Variants in AGPAT3 observed in about 807,000 individuals in gnomAD.
AGPAT3 encodes 1-acylglycerol-3-phosphate O-acyltransferase 3.
A neutral mutation model predicts 47.3 loss-of-function variants in AGPAT3; 5 were observed. The observed-to-expected ratio is 0.11, with a 90% CI of 0.06 to 0.22. AGPAT3 has a LOEUF of 0.22. Ranked by LOEUF, AGPAT3 falls within the 10% of genes least tolerant of loss-of-function variation. The pLI, the probability that AGPAT3 is intolerant of heterozygous loss-of-function variation, is 1.00. For synonymous variants in AGPAT3, 212 were observed against 208.3 expected, an observed-to-expected ratio of 1.02 and a Z score of -0.15; for missense variants, 315 against 493.0, an observed-to-expected ratio of 0.64 and a Z score of 3.42.
chr21:43,946,303 AT>A (rs2087886153), intron 2 of AGPAT3, among the ~76,000 whole-genome samples: 1 of 152,248 alleles, frequency 6.6e-6, no homozygotes, highest in Admixed American at 6.5e-5. Flanking sequence ...GCAAAATATA[AT>A]GAAAAGTGCA....
At chr21:43,894,436 C>T (rs996530883) in intron 1 of AGPAT3, among the ~76,000 whole-genome samples, 5 of 151,136 alleles carry the variant, frequency 3.3e-5, no homozygotes, top group Admixed American at 3.3e-4. Context: ...ATATAGTTCA[C>T]CCACTATATG....
intron 2 of AGPAT3, among the ~76,000 whole-genome samples, chr21:43,906,160 G>T (rs1305699905): frequency 6.6e-6 from 1 of 152,158 alleles, no homozygotes. Context: ...GTCTTTTGGG[G>T]CTAGTAGTAG....
rs1418361708 is a variant in AGPAT3 at position 43,930,021 on chromosome 21, A to T, written c.-49+26002A>T. 1.3e-5 allele frequency among the ~76,000 whole-genome samples: 2 copies of T among 152,198 alleles called. No homozygotes were observed. The highest frequency in any genetic ancestry group is 2.9e-5 in the Non-Finnish European group (2 of 68,032). ...GTGCCGGAGAGAGAGGACTTGAGTG[A>T]CTGTCCTCCTGGAACCCAGGGTGCC... On this transcript the variant is annotated intron_variant, in intron 2 of 9. Coordinates refer to ENST00000291572, the MANE Select transcript of AGPAT3 (RefSeq NM_020132.5). The surrounding 1 kb of genome is among the most constrained non-coding windows in gnomAD (Gnocchi z 5.0).
intron 1 of AGPAT3, among the ~76,000 whole-genome samples, chr21:43,886,386 T>C (rs1011284666): frequency 6.6e-6 from 1 of 152,090 alleles, no homozygotes; most frequent in African/African-American, 2.4e-5. Flanking sequence ...CCCGAATAGC[T>C]GGGATTACAG....
intron 1 of AGPAT3, among the ~76,000 whole-genome samples, chr21:43,881,171 C>T (rs961297526): frequency 2.6e-5 from 4 of 152,166 alleles, no homozygotes; most frequent in Non-Finnish European, 4.4e-5. Flanking sequence ...TATTTAATAA[C>T]TGTGTCATAA....
chr21:43,955,363 AC>A lies in AGPAT3; in HGVS notation c.-48-4268del. 1.9e-6 allele frequency: 1 copy of A among 514,206 alleles called. No homozygotes were observed. The highest frequency in any genetic ancestry group is 2.8e-6 in the Non-Finnish European group (1 of 356,788). The allele number at this position is 514,206 out of a possible 1,614,324, so 31.9% of individuals were successfully genotyped here. On this transcript the variant is annotated intron_variant, in intron 2 of 9. Coordinates refer to ENST00000291572, the MANE Select transcript of AGPAT3 (RefSeq NM_020132.5). This position sits in a 1 kb window ranked among gnomAD's most constrained non-coding sequence, Gnocchi z 4.1. ...GTCACAGGCGGCTTAGCTTGTCAAC[AC>A]CCATAACGCTATGCACGGACACTCG...
At chr21:43,884,345 C>G (rs1018770890) in intron 1 of AGPAT3, among the ~76,000 whole-genome samples, 2 of 150,228 alleles carry the variant, frequency 1.3e-5, no homozygotes, top group Admixed American at 6.7e-5. Flanking sequence ...CTAATGAGCT[C>G]ACTGGTTTCC....
At chr21:43,974,165 TTATG>T (rs369847969) in intron 7 of AGPAT3, among the ~76,000 whole-genome samples, 13 of 152,008 alleles carry the variant, frequency 8.6e-5, no homozygotes, top group South Asian at 2.1e-4. Flanking sequence ...TGTGTGTAAA[TTATG>T]TGTGTGTTGT....
intron 2 of AGPAT3, among the ~76,000 whole-genome samples, chr21:43,936,916 G>A (rs1168121633): frequency 6.6e-6 from 1 of 152,234 alleles, no homozygotes; most frequent in African/African-American, 2.4e-5. Flanking sequence ...ATGTGAACAA[G>A]CTTTTTTCCT....
intron 7 of AGPAT3, among the ~76,000 whole-genome samples, chr21:43,974,498 T>C (rs985893912): frequency 1.3e-5 from 2 of 151,440 alleles, no homozygotes; most frequent in Non-Finnish European, 2.9e-5. Flanking sequence ...GGGTTTGGTG[T>C]GTGGGGTATG....
In AGPAT3 at chr21:43,908,854, T is replaced by G. The variant is rs2086564020; in HGVS notation, c.-49+4835T>G. Among the ~76,000 whole-genome samples, 1 of 152,154 alleles carries G rather than the reference T, an allele frequency of 6.6e-6. No individual in the cohort carries two copies. The highest frequency in any genetic ancestry group is 2.1e-4 in the South Asian group (1 of 4,826). On this transcript the variant is annotated intron_variant, in intron 2 of 9. Coordinates refer to ENST00000291572, the MANE Select transcript of AGPAT3 (RefSeq NM_020132.5). This position sits in a 1 kb window ranked among gnomAD's most constrained non-coding sequence, Gnocchi z 4.9. ...TGTGGAGCGAACCCTGTTGTTTGCA[T>G]TTTTTGGATGAGGGTACAGGCTCAG... is the stretch of plus-strand genomic sequence containing the variant.
At chr21:43,926,544 C>T (rs1177511902) in intron 2 of AGPAT3, among the ~76,000 whole-genome samples, 6 of 152,120 alleles carry the variant, frequency 3.9e-5, no homozygotes, top group Admixed American at 3.9e-4. Context: ...GCCCCCAGCC[C>T]CCACGGCGCG....
chr21:43,985,349 A>C lies in AGPAT3; in HGVS notation c.*2957A>C. The C allele has an allele frequency of 2.8e-6, 1 of 353,648 alleles. No individual in the cohort carries two copies. The highest frequency in any genetic ancestry group is 5.6e-6 in the Non-Finnish European group (1 of 177,622). The allele number at this position is 353,648 out of a possible 1,614,324, so 21.9% of individuals were successfully genotyped here. A position where few individuals can be genotyped will look rare whatever the true frequency, so the allele number is the denominator to read the frequency against. On this transcript the variant is annotated 3_prime_UTR_variant, in exon 10 of 10. Coordinates refer to ENST00000291572, the MANE Select transcript of AGPAT3 (RefSeq NM_020132.5). ...CTGGTGGAAGAGATGAGCGCTGAAC[A>C]AATCACTAAATAACACAAAACAACA...
At chr21:43,887,265 GC>G (rs2086000176) in intron 1 of AGPAT3, among the ~76,000 whole-genome samples, 1 of 152,176 alleles carries the variant, frequency 6.6e-6, no homozygotes, top group African/African-American at 2.4e-5. Flanking sequence ...CCATCTTCCT[GC>G]CCAGAAGCAG....
At chr21:43,867,205 A>G (rs1007299102) in intron 1 of AGPAT3, 2 of 152,262 alleles carry the variant, frequency 1.3e-5, no homozygotes, top group East Asian at 3.8e-4. Context: ...GTGATCTGAC[A>G]CAACAGGGCT....
rs992822484 is a variant in AGPAT3 at position 43,908,510 on chromosome 21, CTG to C, written c.-49+4494_-49+4495del. ...GCTTTCCTGGGCCTTGGTGACCTGTCTGTGAAATGGGCACAGGAGCCCAGCTC... is the reference window on the plus strand; with the variant it reads ...GCTTTCCTGGGCCTTGGTGACCTGTCTGAAATGGGCACAGGAGCCCAGCTC... On this transcript the variant is annotated intron_variant, in intron 2 of 9. Coordinates refer to ENST00000291572, the MANE Select transcript of AGPAT3 (RefSeq NM_020132.5). This position sits in a 1 kb window ranked among gnomAD's most constrained non-coding sequence, Gnocchi z 4.9. Among the ~76,000 whole-genome samples, 12 of 152,292 alleles carry C rather than the reference CTG, an allele frequency of 7.9e-5. No homozygotes were observed. The highest frequency in any genetic ancestry group is 2.6e-4 in the African/African-American group (11 of 41,554).
Position 43,933,739 on chromosome 21 carries a change from G to A in AGPAT3, c.-48-25895G>A, listed in dbSNP as rs966805870. ...GAGGGGAGAGTCAGGAGAGAAGGAC[G>A]CCGCATACCAGATGCCCAGAGGCCC... On this transcript the variant is annotated intron_variant, in intron 2 of 9. Transcript: ENST00000291572. This position sits in a 1 kb window ranked among gnomAD's most constrained non-coding sequence, Gnocchi z 6.0. Among the ~76,000 whole-genome samples the A allele has an allele frequency of 2.0e-5, 3 of 151,766 alleles. No individual in the cohort carries two copies. Among genetic ancestry groups the A allele is most frequent in the Admixed American group, 6.6e-5 (1 of 15,218 alleles).
Position 43,908,128 on chromosome 21 carries a change from G to A in AGPAT3, c.-49+4109G>A, listed in dbSNP as rs1030139271. The stretch of plus-strand genomic sequence containing the variant: ...AGAGCCTAAATTATGTGGGAAAAAC[G>A]TGTGTGTGTTCCAAAGCTGGAGTGA... On this transcript the variant is annotated intron_variant, in intron 2 of 9. Coordinates refer to ENST00000291572, the MANE Select transcript of AGPAT3 (RefSeq NM_020132.5). The surrounding 1 kb of genome is among the most constrained non-coding windows in gnomAD (Gnocchi z 4.9). Among the ~76,000 whole-genome samples, 2 of 152,202 alleles carry A rather than the reference G, an allele frequency of 1.3e-5. No individual in the cohort carries two copies. The highest frequency in any genetic ancestry group is 2.4e-5 in the African/African-American group (1 of 41,450).
chr21:43,876,756 G>A (rs1333148518), intron 1 of AGPAT3, among the ~76,000 whole-genome samples: 2 of 152,206 alleles, frequency 1.3e-5, no homozygotes, highest in South Asian at 2.1e-4. Context: ...AGGACAACGT[G>A]TAATTTCCAG....
Sources: allele counts gnomAD v4.1 joint callset (sites outside exome capture counted in the v4.1 genomes callset), GRCh38; gene constraint gnomAD v4.1.1; non-coding constraint Gnocchi (gnomAD v3.1); transcripts MANE v1.5; gene names NCBI Gene and HGNC (gene_info 2026-07-23, HGNC 2026-07-21).